Variants in MAPKAP1 observed in about 807,000 individuals in gnomAD.
MAPKAP1 encodes the protein target of rapamycin complex 2 subunit MAPKAP1.
Under a neutral mutation model 65.7 loss-of-function variants are expected in MAPKAP1, and 20 were observed. The observed-to-expected ratio is 0.30, with a 90% CI of 0.21 to 0.44. The LOEUF (loss-of-function observed/expected upper bound fraction) is 0.44. Ranked by LOEUF, MAPKAP1 falls within the 20% of genes least tolerant of loss-of-function variation. The probability of loss-of-function intolerance (pLI) is 1.00; values close to 1 mark genes in which losing one functional copy is unlikely to be tolerated. For synonymous variants in MAPKAP1, 222 were observed against 244.3 expected (o/e 0.91, Z 0.85); for missense variants, 423 against 648.0 (o/e 0.65, Z 3.77).
intron 4 of MAPKAP1, chr9:125,596,181 C>T: frequency 1.3e-6 from 1 of 768,648 alleles, no homozygotes; most frequent in Non-Finnish European, 2.4e-6. Context: ...TGTGAATGGC[C>T]ACAATTGTGA....
intron 9 of MAPKAP1, among the ~76,000 whole-genome samples, chr9:125,474,400 C>G (rs1453984504): frequency 1.3e-5 from 2 of 152,232 alleles, no homozygotes; most frequent in African/African-American, 4.8e-5. Context: ...CCTCATCCTA[C>G]TGGGTCTCCA....
intron 5 of MAPKAP1, among the ~76,000 whole-genome samples, chr9:125,563,674 C>T (rs1589290798): frequency 1.3e-5 from 2 of 151,918 alleles, no homozygotes; most frequent in East Asian, 3.9e-4. Flanking sequence ...AATGTGTAGA[C>T]TCAATCACTC....
chr9:125,576,436 TA>T (rs1325027188), intron 5 of MAPKAP1, among the ~76,000 whole-genome samples: 4 of 152,226 alleles, frequency 2.6e-5, no homozygotes, highest in Admixed American at 6.5e-5. Flanking sequence ...AAAACTGCTC[TA>T]AAAAATAGTC....
intron 7 of MAPKAP1, among the ~76,000 whole-genome samples, chr9:125,523,364 AAAAGAGGGAGAC>A (rs1189191566): frequency 2.0e-5 from 3 of 152,202 alleles, no homozygotes; most frequent in Non-Finnish European, 4.4e-5. Flanking sequence ...AAAGAGGAAA[AAAAGAGGGAGAC>A]CTGACCAAGA....
In MAPKAP1 at chr9:125,543,442, A is replaced by AT. The variant is rs751120452; in HGVS notation, c.849-275dup. Among the ~76,000 whole-genome samples the AT allele has an allele frequency of 2.3e-3, 315 of 134,530 alleles. 1 individual carries two copies. The highest frequency in any genetic ancestry group is 7.5e-3 in the East Asian group (35 of 4,652). 88.3% of individuals were successfully genotyped at this position (134,530 alleles called of 152,430 possible). On this transcript the variant is annotated intron_variant, in intron 6 of 11. Coordinates refer to ENST00000265960, the MANE Select transcript of MAPKAP1 (RefSeq NM_001006617.3). ...CCACTACATCCGGCTAATTTTTTGT[A>AT]TTTTTTTTTTTTTTTAGTAGAGACA...
At chr9:125,525,932 C>T (rs1173423070) in intron 7 of MAPKAP1, among the ~76,000 whole-genome samples, 5 of 152,174 alleles carry the variant, frequency 3.3e-5, no homozygotes, top group African/African-American at 1.2e-4. Flanking sequence ...GCAACAGCCA[C>T]CTCCTGAAAT....
chr9:125,664,093 T>C (rs1834266231), intron 3 of MAPKAP1, among the ~76,000 whole-genome samples: 1 of 152,136 alleles, frequency 6.6e-6, no homozygotes, highest in Admixed American at 6.5e-5. Flanking sequence ...ACACCTGTAA[T>C]CCCAGCACTC....
chr9:125,489,038 T>C (rs1222060964), intron 8 of MAPKAP1, among the ~76,000 whole-genome samples: 1 of 152,238 alleles, frequency 6.6e-6, no homozygotes, highest in African/African-American at 2.4e-5. Flanking sequence ...TGAAAGATGC[T>C]TGATATTGTA....
chr9:125,644,094 G>T (rs776958722), intron 4 of MAPKAP1, among the ~76,000 whole-genome samples: 2 of 152,150 alleles, frequency 1.3e-5, no homozygotes, highest in Non-Finnish European at 2.9e-5. Flanking sequence ...CCCAAAAGAG[G>T]TTAAGAGGGG....
chr9:125,678,343 C>A (rs559722475), intron 1 of MAPKAP1, among the ~76,000 whole-genome samples: 1 of 151,932 alleles, frequency 6.6e-6, no homozygotes, highest in Non-Finnish European at 1.5e-5. Flanking sequence ...CCCGGGTTCA[C>A]GCCACTCTCC....
chr9:125,670,632 C>T (rs1325899246), intron 2 of MAPKAP1, among the ~76,000 whole-genome samples: 1 of 152,118 alleles, frequency 6.6e-6, no homozygotes, highest in Non-Finnish European at 1.5e-5. Flanking sequence ...AAAGAAATTC[C>T]AACAAGAGTC....
chr9:125,602,627 G>T (rs1325581731), intron 4 of MAPKAP1, among the ~76,000 whole-genome samples: 1 of 152,178 alleles, frequency 6.6e-6, no homozygotes, highest in Non-Finnish European at 1.5e-5. Context: ...GCATTCGTCT[G>T]TACACAGCCC....
intron 7 of MAPKAP1, among the ~76,000 whole-genome samples, chr9:125,533,768 G>A (rs1365515990): frequency 2.0e-5 from 3 of 152,114 alleles, no homozygotes; most frequent in Non-Finnish European, 4.4e-5. Context: ...CTTTTTGAAA[G>A]GCAATTTGTT....
chr9:125,686,347 AAAG>A (rs1304298317), intron 1 of MAPKAP1, among the ~76,000 whole-genome samples: 1 of 151,918 alleles, frequency 6.6e-6, no homozygotes, highest in Non-Finnish European at 1.5e-5. Flanking sequence ...GAAAAAGAAA[AAAG>A]AATAAAAAAA....
rs375519924 is a variant in MAPKAP1 at position 125,655,272 on chromosome 9, G to A, written c.498+2379C>T. ...AATAAAATAATTTTAAGTTACAACA[G>A]TAACAAAAATTTAGTGCTGAACGTC... On this transcript the variant is annotated intron_variant, in intron 4 of 11. Coordinates refer to ENST00000265960, the MANE Select transcript of MAPKAP1 (RefSeq NM_001006617.3). Among the ~76,000 whole-genome samples, 5 of 152,184 alleles carry A rather than the reference G, an allele frequency of 3.3e-5. No individual in the cohort carries two copies. In the East Asian group the frequency reaches 5.8e-4, roughly 18 times the overall value.
At chr9:125,553,407 T>C (rs1458801024) in intron 6 of MAPKAP1, among the ~76,000 whole-genome samples, 1 of 151,994 alleles carries the variant, frequency 6.6e-6, no homozygotes, top group African/African-American at 2.4e-5. Context: ...CAGGGCATGG[T>C]GGCAGGTGCC....
In MAPKAP1 at chr9:125,512,906, GT is replaced by G. The variant is rs559475019; in HGVS notation, c.959-6490del. On this transcript the variant is annotated intron_variant, in intron 7 of 11. Transcript: ENST00000265960. ...CCTCGTATGTATATTTTTTTAAGAG[GT>G]GGGGTCTCGCTATATTGCCCAGGCT... 3.2e-3 allele frequency: 478 copies of G among 150,464 alleles called. 2 individuals carry two copies. The highest frequency in any genetic ancestry group is 0.01 in the Middle Eastern group (3 of 294). The allele number at this position is 150,464 out of a possible 1,614,324, so 9.3% of individuals were successfully genotyped here.
intron 5 of MAPKAP1, among the ~76,000 whole-genome samples, chr9:125,580,245 A>C (rs1831576196): frequency 6.6e-6 from 1 of 152,228 alleles, no homozygotes; most frequent in African/African-American, 2.4e-5. Context: ...ACATGTGTTT[A>C]CTGTGGCACT....
At chr9:125,581,999 G>A (rs183490419) in intron 5 of MAPKAP1, among the ~76,000 whole-genome samples, 3 of 152,200 alleles carry the variant, frequency 2.0e-5, no homozygotes, top group Admixed American at 2.0e-4. Context: ...ACATGTGGGA[G>A]CCTTTGAATC....
Sources: gnomAD v4.1 joint callset for allele counts (sites outside exome capture counted in the v4.1 genomes callset) on GRCh38, gnomAD v4.1.1 for gene constraint, MANE v1.5 for transcripts, NCBI Gene and HGNC (gene_info 2026-07-23, HGNC 2026-07-21) for gene names.